Variants in CDH12 observed in about 807,000 individuals in gnomAD.
CDH12 encodes the protein cadherin 12, also known as cadherin-12.
A neutral mutation model predicts 74.1 loss-of-function variants in CDH12; 41 were observed. The ratio of observed to expected loss-of-function variants is 0.55; its 90% confidence interval spans 0.43 to 0.72. The LOEUF (loss-of-function observed/expected upper bound fraction) is 0.72, where lower values mean the gene tolerates loss of function less well. Among genes scored for constraint, CDH12 ranks in the 30% least tolerant of loss-of-function variants. CDH12 has a pLI of 0.00. For missense variants in CDH12, 945 were observed against 977.2 expected (o/e 0.97, Z 0.44); for synonymous variants, 399 against 355.0 (o/e 1.12, Z -1.39).
intron 1 of CDH12, among the ~76,000 whole-genome samples, chr5:22,545,351 C>A (rs1012545843): frequency 2.0e-5 from 3 of 152,148 alleles, no homozygotes; most frequent in African/African-American, 7.2e-5. Context: ...TTAGCTCCAG[C>A]AATGGCAAGT....
intron 4 of CDH12, among the ~76,000 whole-genome samples, chr5:22,092,352 T>C (rs1182352220): frequency 6.6e-6 from 1 of 152,138 alleles, no homozygotes; most frequent in East Asian, 1.9e-4. Context: ...CAAAAAAGTA[T>C]GTTCAAATTA....
At position 22,407,910 on chromosome 5, in the gene CDH12, C is replaced by T. The variant is rs571529351; in HGVS notation, c.-427-2559G>A. Among the ~76,000 whole-genome samples, 17 of 152,112 alleles carry T rather than the reference C, an allele frequency of 1.1e-4. 1 individual carries two copies. The East Asian group carries it at 1.7e-3, about 16-fold the overall frequency. ...TACCTTCATACAGGATGCTTTTTTA[C>T]GTTTCCTCACAAATTACTGTACTGT... On this transcript the variant is annotated intron_variant, in intron 2 of 14. Coordinates refer to ENST00000382254, the MANE Select transcript of CDH12 (RefSeq NM_004061.5).
At chr5:22,689,118 G>C (rs1051728406) in intron 1 of CDH12, among the ~76,000 whole-genome samples, 3 of 152,128 alleles carry the variant, frequency 2.0e-5, no homozygotes, top group African/African-American at 4.8e-5. Context: ...ACAATCTGTA[G>C]TATTCTAGTA....
intron 2 of CDH12, among the ~76,000 whole-genome samples, chr5:22,413,170 G>A (rs777852767): frequency 6.9e-4 from 105 of 151,954 alleles, no homozygotes; most frequent in Non-Finnish European, 1.3e-3. Flanking sequence ...GAGATAGAGA[G>A]GTAGAGATAC....
At chr5:22,730,715 T>C (rs1230041598) in intron 1 of CDH12, among the ~76,000 whole-genome samples, 1 of 151,732 alleles carries the variant, frequency 6.6e-6, no homozygotes, top group African/African-American at 2.4e-5. Context: ...GGTGTTTAGA[T>C]GTGTAGAAAC....
At chr5:22,563,056 A>G (rs1352455249) in intron 1 of CDH12, among the ~76,000 whole-genome samples, 2 of 147,382 alleles carry the variant, frequency 1.4e-5, no homozygotes, top group Non-Finnish European at 3.0e-5. Flanking sequence ...ATATATTTAA[A>G]TATATATAGA....
chr5:22,038,865 A>G (rs1236200097), intron 5 of CDH12, among the ~76,000 whole-genome samples: 3 of 152,202 alleles, frequency 2.0e-5, no homozygotes, highest in East Asian at 3.9e-4. Flanking sequence ...CAGAACACCA[A>G]CTAGGCTAAA....
At chr5:22,504,042 A>G (rs1032148452) in intron 2 of CDH12, among the ~76,000 whole-genome samples, 1 of 152,038 alleles carries the variant, frequency 6.6e-6, no homozygotes, top group Admixed American at 6.6e-5. Flanking sequence ...ATTATCCAAG[A>G]TCAGAGATTT....
chr5:22,533,460 A>G (rs952134491), intron 1 of CDH12, among the ~76,000 whole-genome samples: 1 of 152,214 alleles, frequency 6.6e-6, no homozygotes, highest in Non-Finnish European at 1.5e-5. Context: ...TTTTCTATAT[A>G]AGAAGGTCTT....
Position 22,153,889 on chromosome 5 carries a change from A to ATATATGTATATAT in CDH12, c.-187+58608_-187+58609insATATATACATATA, listed in dbSNP as rs1561168560. ...ATATATATGTATATATATATATATA[A>ATATATGTATATAT]ATATATATATATATACACACACATA... On this transcript the variant is annotated intron_variant, in intron 4 of 14. Transcript: ENST00000382254. 3.4e-3 allele frequency among the ~76,000 whole-genome samples: 142 copies of ATATATGTATATAT among 42,050 alleles called. 2 individuals carry two copies. In the South Asian group the frequency reaches 0.068, roughly 20 times the overall value. The allele number at this position is 42,050 out of a possible 152,430, so 27.6% of individuals were successfully genotyped here.
At chr5:21,765,305 A>G (rs1744960260) in intron 11 of CDH12, among the ~76,000 whole-genome samples, 1 of 152,138 alleles carries the variant, frequency 6.6e-6, no homozygotes. Flanking sequence ...AAGGCCAACT[A>G]TTTAATTGAT....
At chr5:22,684,467 A>G (rs1408245607) in intron 1 of CDH12, among the ~76,000 whole-genome samples, 1 of 152,338 alleles carries the variant, frequency 6.6e-6, no homozygotes, top group East Asian at 1.9e-4. Flanking sequence ...GAGGATCTAG[A>G]TATACACTGA....
chr5:22,309,973 G>A (rs1212502149), intron 3 of CDH12, among the ~76,000 whole-genome samples: 2 of 144,552 alleles, frequency 1.4e-5, no homozygotes, highest in Non-Finnish European at 3.0e-5. Context: ...GGACACGGTG[G>A]GGGGCATCAC....
chr5:22,497,783 C>T (rs907783089), intron 2 of CDH12, among the ~76,000 whole-genome samples: 1 of 150,620 alleles, frequency 6.6e-6, no homozygotes, highest in Non-Finnish European at 1.5e-5. Flanking sequence ...GCTGGAATTA[C>T]AGACATGTGC....
At chr5:22,261,253 G>T (rs1208640277) in intron 3 of CDH12, among the ~76,000 whole-genome samples, 1 of 151,658 alleles carries the variant, frequency 6.6e-6, no homozygotes, top group Non-Finnish European at 1.5e-5. Context: ...TTATTGATAT[G>T]ATTTGCCTTA....
intron 4 of CDH12, among the ~76,000 whole-genome samples, chr5:22,112,656 C>T (rs1328103920): frequency 3.3e-5 from 5 of 151,946 alleles, no homozygotes; most frequent in Non-Finnish European, 7.4e-5. Context: ...TATCGATCTC[C>T]AAGCTCAGCA....
intron 2 of CDH12, among the ~76,000 whole-genome samples, chr5:22,491,187 C>T (rs751115405): frequency 7.2e-5 from 11 of 152,038 alleles, no homozygotes; most frequent in Non-Finnish European, 1.6e-4. Context: ...TTATTGTTCC[C>T]ATCTTTGTGC....
At chr5:22,094,667 C>G (rs1024809493) in intron 4 of CDH12, among the ~76,000 whole-genome samples, 3 of 152,212 alleles carry the variant, frequency 2.0e-5, no homozygotes, top group African/African-American at 7.2e-5. Context: ...AGCTACATAT[C>G]AGTATAGATT....
chr5:22,554,331 G>A (rs1738702831), intron 1 of CDH12, among the ~76,000 whole-genome samples: 1 of 152,084 alleles, frequency 6.6e-6, no homozygotes, highest in Non-Finnish European at 1.5e-5. Context: ...ATGTGTCCAT[G>A]TAGGTTTATT....
Sources: gnomAD v4.1 joint callset for allele counts (sites outside exome capture counted in the v4.1 genomes callset) on GRCh38, gnomAD v4.1.1 for gene constraint, MANE v1.5 for transcripts, NCBI Gene and HGNC (gene_info 2026-07-23, HGNC 2026-07-21) for gene names.